Variants in PPARGC1A observed in about 807,000 individuals in gnomAD.
PPARGC1A encodes the protein PPARG coactivator 1 alpha, also known as peroxisome proliferator-activated receptor gamma coactivator 1-alpha.
PPARGC1A carries 25 observed loss-of-function variants against 88.7 expected under a neutral mutation model. The ratio of observed to expected loss-of-function variants is 0.28; its 90% CI spans 0.21 to 0.39. The LOEUF (loss-of-function observed/expected upper bound fraction) is 0.39, where lower values mean the gene tolerates loss of function less well. Among genes scored for constraint, PPARGC1A ranks in the 10% least tolerant of loss-of-function variants. The probability of loss-of-function intolerance (pLI) is 1.00; values close to 1 mark genes in which losing one functional copy is unlikely to be tolerated. For synonymous variants in PPARGC1A, 363 were observed against 355.6 expected (o/e 1.02, Z -0.24); for missense variants, 880 against 968.7 (o/e 0.91, Z 1.22).
chr4:24,359,106 T>C, the PPARGC1A span, among the ~76,000 whole-genome samples: 3 of 152,206 alleles, frequency 2.0e-5, no homozygotes, highest in African/African-American at 7.2e-5. Context: ...TATTTAGCAA[T>C]CATTTGTGGA....
chr4:24,073,064 A>G, the PPARGC1A span, among the ~76,000 whole-genome samples: 1 of 152,060 alleles, frequency 6.6e-6, no homozygotes, highest in Admixed American at 6.6e-5. Flanking sequence ...TTGTTTTGAG[A>G]TGGAGTCTTG....
the PPARGC1A span, among the ~76,000 whole-genome samples, chr4:23,944,671 G>A: frequency 6.6e-6 from 1 of 152,114 alleles, no homozygotes; most frequent in African/African-American, 2.4e-5. Context: ...GAATCAGAAG[G>A]GCAGCTTCCC....
the PPARGC1A span, among the ~76,000 whole-genome samples, chr4:24,387,953 AAAG>A: frequency 3.6e-4 from 52 of 142,980 alleles, 2 homozygotes; most frequent in African/African-American, 1.4e-3. Flanking sequence ...AGAAAGAAAG[AAAG>A]AAAGGGAGAG....
the PPARGC1A span, among the ~76,000 whole-genome samples, chr4:24,117,275 T>G: frequency 2.0e-5 from 3 of 152,154 alleles, no homozygotes; most frequent in South Asian, 6.2e-4. Flanking sequence ...TGGCTTTTTC[T>G]TTGATAAAAC....
At chr4:24,160,370 T>C in the PPARGC1A span, among the ~76,000 whole-genome samples, 3,118 of 152,278 alleles carry the variant, frequency 0.02, 103 homozygotes, top group African/African-American at 0.071. Flanking sequence ...ATTAAGACCA[T>C]TAAAACTATT....
chr4:24,352,168 G>A, the PPARGC1A span, among the ~76,000 whole-genome samples: 3 of 152,232 alleles, frequency 2.0e-5, no homozygotes, highest in East Asian at 1.9e-4. Context: ...GCCTGGGATC[G>A]GAGGGACAGG....
chr4:23,976,917 T>C, the PPARGC1A span, among the ~76,000 whole-genome samples: 15,834 of 151,360 alleles, frequency 0.1, 1,008 homozygotes, highest in East Asian at 0.17. Flanking sequence ...CTCCAAGAAC[T>C]TGCGGTTTCT....
chr4:23,821,388 C>A (rs569231025), intron 7 of PPARGC1A, among the ~76,000 whole-genome samples: 2 of 152,152 alleles, frequency 1.3e-5, no homozygotes, highest in South Asian at 4.1e-4. Context: ...CTGAGAGAAT[C>A]TCAAATCAGT....
chr4:24,323,832 G>A, the PPARGC1A span, among the ~76,000 whole-genome samples: 3 of 152,162 alleles, frequency 2.0e-5, no homozygotes, highest in Admixed American at 1.3e-4. Flanking sequence ...AGACCGACCA[G>A]CCCAAGAAAC....
At chr4:23,903,497 G>C (rs1053743829), upstream of PPARGC1A, among the ~76,000 whole-genome samples, 2 of 152,124 alleles carry the variant, frequency 1.3e-5, no homozygotes, top group Non-Finnish European at 2.9e-5. Flanking sequence ...GTAATGTTGA[G>C]AGCATCATAT....
chr4:24,040,146 T>C, the PPARGC1A span, among the ~76,000 whole-genome samples: 3 of 152,208 alleles, frequency 2.0e-5, no homozygotes, highest in Non-Finnish European at 4.4e-5. Flanking sequence ...ATTCATTTCC[T>C]GGGCTACACA....
At chr4:24,463,785 GA>G in the PPARGC1A span, among the ~76,000 whole-genome samples, 133 of 151,780 alleles carry the variant, frequency 8.8e-4, 1 homozygote, top group Non-Finnish European at 1.0e-3. Context: ...ATGGGAGTGG[GA>G]AAAAAAAGTC....
intron 1 of PPARGC1A, among the ~76,000 whole-genome samples, chr4:23,897,647 G>A (rs569892684): frequency 1.4e-3 from 68 of 50,154 alleles, no homozygotes; most frequent in African/African-American, 7.6e-3. Flanking sequence ...GGCAACTGGC[G>A]CTCAGTGTTG....
At chr4:24,128,544 G>GTGTGTGTGTC in the PPARGC1A span, among the ~76,000 whole-genome samples, 2,185 of 140,554 alleles carry the variant, frequency 0.016, 55 homozygotes, top group African/African-American at 0.062. Context: ...GTGTGTGTGT[G>GTGTGTGTGTC]TGTGTGTGTG....
the PPARGC1A span, among the ~76,000 whole-genome samples, chr4:23,984,961 G>A: frequency 6.6e-6 from 1 of 152,064 alleles, no homozygotes; most frequent in Non-Finnish European, 1.5e-5. Flanking sequence ...GTTGTCGGAC[G>A]AACCCACTAT....
At chr4:23,892,873 T>C (rs1369703483), upstream of PPARGC1A, among the ~76,000 whole-genome samples, 4 of 152,166 alleles carry the variant, frequency 2.6e-5, no homozygotes, top group Non-Finnish European at 4.4e-5. Flanking sequence ...GGGGAATAAT[T>C]TGGTATGAAA....
chr4:24,315,460 T>G, the PPARGC1A span, among the ~76,000 whole-genome samples: 18 of 152,150 alleles, frequency 1.2e-4, no homozygotes, highest in Non-Finnish European at 2.2e-4. Flanking sequence ...CAGAATTCAG[T>G]CCATGAGGAA....
At chr4:24,326,222 A>G in the PPARGC1A span, among the ~76,000 whole-genome samples, 1 of 152,130 alleles carries the variant, frequency 6.6e-6, no homozygotes, top group Admixed American at 6.5e-5. Flanking sequence ...GCATGCTTTG[A>G]AAGGATTAAA....
the PPARGC1A span, among the ~76,000 whole-genome samples, chr4:24,204,495 A>G: frequency 6.0e-3 from 890 of 149,224 alleles, 13 homozygotes; most frequent in Non-Finnish European, 7.8e-3. Context: ...AGGAAGGAAA[A>G]GGGAGGGGAA....
Sources: allele counts gnomAD v4.1 joint callset (sites outside exome capture counted in the v4.1 genomes callset), GRCh38; gene constraint gnomAD v4.1.1; transcripts MANE v1.5; gene names NCBI Gene and HGNC (gene_info 2026-07-23, HGNC 2026-07-21).